The following DMGDH variants were observed in gnomAD, a reference collection of about 807,000 sequenced individuals.
DMGDH encodes dimethylglycine dehydrogenase.
A neutral mutation model predicts 95.2 loss-of-function variants in DMGDH; 76 were observed. That is an observed-to-expected ratio of 0.80 (90% CI 0.66 to 0.97). The LOEUF (loss-of-function observed/expected upper bound fraction) is 0.97, where lower values mean the gene tolerates loss of function less well. DMGDH is among the 50% of genes least tolerant of loss of function. The pLI is 0.00. For synonymous variants in DMGDH, 345 were observed against 377.6 expected, an observed-to-expected ratio of 0.91 and a Z score of 1.00; for missense variants, 987 against 1,055.0, an observed-to-expected ratio of 0.94 and a Z score of 0.89.
chr5:79,006,096 C>T (rs193004606), intron 14 of DMGDH, among the ~76,000 whole-genome samples: 136 of 148,606 alleles, frequency 9.2e-4, no homozygotes, highest in Non-Finnish European at 1.7e-3. Context: ...TGACAGATGA[C>T]ATTCCTATTC....
chr5:79,050,014 T>C (rs1002409105), intron 5 of DMGDH, among the ~76,000 whole-genome samples: 14 of 151,882 alleles, frequency 9.2e-5, no homozygotes, highest in South Asian at 2.1e-4. Flanking sequence ...CCTAGCACTT[T>C]GGGAGGCCGA....
intron 2 of DMGDH, among the ~76,000 whole-genome samples, chr5:79,062,655 C>T (rs747122279): frequency 2.0e-5 from 3 of 152,186 alleles, no homozygotes; most frequent in African/African-American, 4.8e-5. Context: ...TCAATTATGG[C>T]GCAGCCCTGG....
chr5:79,029,760 TA>T (rs939057131), intron 11 of DMGDH, 143 bp downstream of exon 11: 166 of 886,416 alleles, frequency 1.9e-4, no homozygotes, highest in African/African-American at 3.9e-4. Flanking sequence ...ATTTTTGTAT[TA>T]AAAAAAATAA....
At chr5:79,000,425 A>C in intron 15 of DMGDH, 3 of 625,386 alleles carry the variant, frequency 4.8e-6, no homozygotes, top group Non-Finnish European at 9.4e-6. Flanking sequence ...TACAAGTTGG[A>C]AAGAACCATT....
intron 5 of DMGDH, among the ~76,000 whole-genome samples, chr5:79,044,892 T>C (rs986907297): frequency 2.6e-5 from 4 of 152,074 alleles, no homozygotes; most frequent in African/African-American, 9.7e-5. Context: ...GGCACAAATG[T>C]TAGTAAGAAG....
intron 1 of DMGDH, among the ~76,000 whole-genome samples, chr5:79,064,050 T>C (rs1440638225): frequency 6.6e-6 from 1 of 152,132 alleles, no homozygotes; most frequent in Non-Finnish European, 1.5e-5. Context: ...AGCTTCTTTT[T>C]TTCAAAGAAT....
intron 15 of DMGDH, among the ~76,000 whole-genome samples, chr5:78,999,308 C>G (rs1405941687): frequency 6.6e-6 from 1 of 152,122 alleles, no homozygotes; most frequent in African/African-American, 2.4e-5. Context: ...AAATCAGAAG[C>G]TCTCCATATG....
At chr5:79,066,724 A>G (rs944003790) in intron 1 of DMGDH, among the ~76,000 whole-genome samples, 1 of 152,144 alleles carries the variant, frequency 6.6e-6, no homozygotes, top group Non-Finnish European at 1.5e-5. Flanking sequence ...CCCAGTGTAT[A>G]TGATTAAGAA....
chr5:79,069,527 G>C lies in DMGDH; in HGVS notation c.94C>G (p.Arg32Gly). The C allele has an allele frequency of 7.7e-7, 1 of 1,293,170 alleles. No individual in the cohort carries two copies. 80.1% of individuals were successfully genotyped at this position (1,293,170 alleles called of 1,614,324 possible). ...SPGRPRSVCG[R>G]EGEEKPPLSA... is the part of the protein sequence containing the mutation. ...GGACGGGGCCCCACTCACCCTTCCC[G>C]GCCGCAGACAGAGCGCGGGCGCCCG... The change falls in exon 1 of 16, where the codon CGG becomes GGG. Residue 32 changes from arginine (R) to glycine (G), a missense_variant. Transcript: ENST00000255189.
chr5:79,000,847 A>G, intron 15 of DMGDH: 2 of 637,598 alleles, frequency 3.1e-6, no homozygotes, highest in Non-Finnish European at 2.8e-6. Context: ...CCACATATAT[A>G]TTTCCTCAGG....
At chr5:79,057,311 T>G (rs551720565) in intron 2 of DMGDH, among the ~76,000 whole-genome samples, 2 of 152,360 alleles carry the variant, frequency 1.3e-5, no homozygotes, top group Admixed American at 6.5e-5. Context: ...ACTGGGCAGC[T>G]AATTTATCCT....
chr5:79,041,710 G>A (rs1480714850), intron 7 of DMGDH, among the ~76,000 whole-genome samples: 2 of 152,152 alleles, frequency 1.3e-5, no homozygotes, highest in African/African-American at 4.8e-5. Flanking sequence ...GAAAGCTCCA[G>A]GAGGCCGGGT....
At chr5:79,038,445 T>C (rs539934877) in intron 7 of DMGDH, among the ~76,000 whole-genome samples, 50 of 152,214 alleles carry the variant, frequency 3.3e-4, no homozygotes, top group African/African-American at 1.1e-3. Flanking sequence ...GATCGTGCCA[T>C]TCCCTGGGCA....
At chr5:79,013,763 A>G (rs57995033) in intron 14 of DMGDH, among the ~76,000 whole-genome samples, 7,354 of 152,238 alleles carry the variant, frequency 0.048, 542 homozygotes, top group African/African-American at 0.16. Flanking sequence ...CATGTCTTAC[A>G]TGGCAGGAGC....
At chr5:79,006,850 C>CCG (rs1554033741) in intron 14 of DMGDH, among the ~76,000 whole-genome samples, 3 of 147,672 alleles carry the variant, frequency 2.0e-5, no homozygotes, top group South Asian at 2.2e-4. Context: ...CTGAGACCCC[C>CCG]CCAGTCCATT....
intron 3 of DMGDH, among the ~76,000 whole-genome samples, chr5:79,055,030 G>A (rs1248638168): frequency 1.3e-5 from 2 of 152,228 alleles, no homozygotes; most frequent in African/African-American, 4.8e-5. Flanking sequence ...CTTCTCAAAG[G>A]TGGTGACCCC....
intron 7 of DMGDH, among the ~76,000 whole-genome samples, chr5:79,041,995 C>T (rs1474363801): frequency 2.0e-5 from 3 of 152,000 alleles, no homozygotes; most frequent in Non-Finnish European, 4.4e-5. Context: ...AGCAAAACTC[C>T]ATCTGAAAAA....
At position 79,033,388 on chromosome 5, in the gene DMGDH, C is replaced by A. The variant is rs764303987; in HGVS notation, c.1214G>T (p.Gly405Val). The change falls in exon 8 of 16, where the codon GGT becomes GTT. Residue 405 changes from glycine (G) to valine (V), a missense_variant. By Grantham distance (109) the Gly-to-Val change is moderately radical. Coordinates refer to ENST00000255189, the MANE Select transcript of DMGDH (RefSeq NM_013391.3). Reference protein sequence around the residue: ...IGFGYGIIHAGGVGKYLSDWI... With the variant: ...IGFGYGIIHAVGVGKYLSDWI... ...GTCACTGAGATATTTCCCTACCCCA[C>A]CAGCGTGGATTATGCCATATCTTTC... is the stretch of plus-strand genomic sequence containing the variant. 19 of 1,614,038 alleles carry A rather than the reference C, an allele frequency of 1.2e-5. No individual in the cohort carries two copies. The South Asian group carries it at 1.9e-4, about 16-fold the overall frequency.
chr5:79,041,016 A>G (rs768995489), intron 7 of DMGDH, among the ~76,000 whole-genome samples: 13 of 152,206 alleles, frequency 8.5e-5, no homozygotes, highest in Non-Finnish European at 1.5e-4. Context: ...AATGGAACTC[A>G]TTATTTTCTT....
Sources: gnomAD v4.1 joint callset for allele counts (sites outside exome capture counted in the v4.1 genomes callset) on GRCh38, gnomAD v4.1.1 for gene constraint, MANE v1.5 for transcripts, NCBI Gene and HGNC (gene_info 2026-07-23, HGNC 2026-07-21) for gene names.